Variants in LMBRD1 observed in about 807,000 individuals in gnomAD.
LMBRD1 encodes lysosomal cobalamin transport escort protein LMBD1.
LMBRD1 carries 64 observed loss-of-function variants against 74.8 expected under a neutral mutation model. That is an observed-to-expected ratio of 0.86 (90% CI 0.70 to 1.05). LMBRD1 has a LOEUF of 1.05. LMBRD1 is among the 50% of genes least tolerant of loss of function. The probability of loss-of-function intolerance (pLI) is 0.00; values close to 1 mark genes in which losing one functional copy is unlikely to be tolerated. For missense variants in LMBRD1, 652 were observed against 645.9 expected (o/e 1.01, Z -0.10); for synonymous variants, 204 against 216.3 (o/e 0.94, Z 0.50).
At chr6:69,694,869 C>G (rs1765959669) in intron 14 of LMBRD1, among the ~76,000 whole-genome samples, 4 of 152,088 alleles carry the variant, frequency 2.6e-5, no homozygotes, top group Admixed American at 2.6e-4. Context: ...TCAGTTAGAT[C>G]CTTTCCTAAT....
rs144573675 is a variant in LMBRD1, at chr6:69,786,728, C to T, written c.246+3568G>A. Among the ~76,000 whole-genome samples, 724 of 152,098 alleles carry T rather than the reference C, an allele frequency of 4.8e-3. 8 individuals are homozygous for T. The highest frequency in any genetic ancestry group is 0.017 in the Middle Eastern group (5 of 294). On this transcript the variant is annotated intron_variant, in intron 2 of 15. Coordinates refer to ENST00000649934, the MANE Select transcript of LMBRD1 (RefSeq NM_018368.4). ...AAACAACTCAGGCATTATAATATAC[C>T]CCTGCCATAAGAAGGCAGAGAAAGC...
intron 14 of LMBRD1, among the ~76,000 whole-genome samples, chr6:69,695,075 T>C (rs895643477): frequency 6.6e-6 from 1 of 152,120 alleles, no homozygotes; most frequent in Non-Finnish European, 1.5e-5. Context: ...TTCTTTGCAA[T>C]GTACAGAAGG....
chr6:69,741,804 C>T lies in LMBRD1; in HGVS notation c.547G>A (p.Glu183Lys). 1 of 1,593,638 alleles carries T rather than the reference C, an allele frequency of 6.3e-7. No homozygotes were observed. Among genetic ancestry groups the T allele is most frequent in the Non-Finnish European group, 8.6e-7 (1 of 1,161,646 alleles). The change falls in exon 6 of 16, where the codon GAA becomes AAA. Residue 183 changes from glutamate (E) to lysine (K), a missense_variant. Transcript: ENST00000649934. ...EWEKVKSLFE[E>K]LGSSHGLAAL... ...CAATACTTACGACTACTTCCAAGTTCTTCAAATAGGGACTTCACTTTTTCC... is the reference window on the plus strand; with the variant it reads ...CAATACTTACGACTACTTCCAAGTTTTTCAAATAGGGACTTCACTTTTTCC...
In LMBRD1 at chr6:69,725,216, C is replaced by CA. The variant is rs536536966; in HGVS notation, c.637-6136dup. On this transcript the variant is annotated intron_variant, in intron 7 of 15. Transcript: ENST00000649934. ...AAATACTGATGAATGAGGAAGACAC[C>CA]AAAAAAATGAAGAAATATTCCATGT... Among the ~76,000 whole-genome samples the CA allele has an allele frequency of 9.8e-4, 149 of 151,532 alleles. 2 individuals are homozygous for CA. The South Asian group carries it at 0.015, about 15-fold the overall frequency.
At chr6:69,749,119 G>GGT (rs1319279350) in intron 5 of LMBRD1, among the ~76,000 whole-genome samples, 5 of 151,866 alleles carry the variant, frequency 3.3e-5, no homozygotes, top group African/African-American at 1.2e-4. Flanking sequence ...CAAGAAGGGA[G>GGT]GTGAACTCTG....
chr6:69,712,870 TAACAAATC>T (rs1766413352), intron 9 of LMBRD1, among the ~76,000 whole-genome samples: 1 of 152,122 alleles, frequency 6.6e-6, no homozygotes, highest in African/African-American at 2.4e-5. Flanking sequence ...TTTTAAATGT[TAACAAATC>T]AACAACAGCA....
chr6:69,686,622 G>C lies in LMBRD1; in HGVS notation c.1418-10081C>G, dbSNP rs1765769702. Among the ~76,000 whole-genome samples, 4 of 126,506 alleles carry C rather than the reference G, an allele frequency of 3.2e-5. No homozygotes were observed. In the South Asian group the frequency reaches 9.7e-4, roughly 31 times the overall value. The allele number at this position is 126,506 out of a possible 152,430, so 83.0% of individuals were successfully genotyped here. The stretch of plus-strand genomic sequence containing the variant: ...TCACCCCTGACTCCCTTCTCTCTCT[G>C]TCTCTCTCAAACTCTCTATCAAGCA... On this transcript the variant is annotated intron_variant, in intron 14 of 15. Coordinates refer to ENST00000649934, the MANE Select transcript of LMBRD1 (RefSeq NM_018368.4).
intron 5 of LMBRD1, among the ~76,000 whole-genome samples, chr6:69,748,556 C>T (rs1765047029): frequency 6.6e-6 from 1 of 151,974 alleles, no homozygotes; most frequent in African/African-American, 2.4e-5. Context: ...ATTTTATTCC[C>T]ATTACAAGTT....
intron 2 of LMBRD1, among the ~76,000 whole-genome samples, chr6:69,787,792 GA>G (rs1765990297): frequency 1.3e-5 from 2 of 152,150 alleles, no homozygotes; most frequent in Non-Finnish European, 2.9e-5. Flanking sequence ...AAAGTAGAGG[GA>G]AAAGTTTTAA....
chr6:69,755,451 G>A (rs1765248124), intron 3 of LMBRD1, among the ~76,000 whole-genome samples: 1 of 151,962 alleles, frequency 6.6e-6, no homozygotes, highest in African/African-American at 2.4e-5. Context: ...TCAAGGCCGG[G>A]GGAGAGCATT....
At position 69,675,280 on chromosome 6, in the gene LMBRD1, TTTA is replaced by T. The variant is rs1317716314; in HGVS notation, c.*875_*877del. ...ATGTTAGTAAACTAGAATATAATTT[TTTA>T]TTATTTCTCACTATCCAGAATGTGT... On this transcript the variant is annotated 3_prime_UTR_variant, in exon 16 of 16. Transcript: ENST00000649934. Among the ~76,000 whole-genome samples, 2 of 152,204 alleles carry T rather than the reference TTTA, an allele frequency of 1.3e-5. No individual in the cohort carries two copies. Among genetic ancestry groups the T allele is most frequent in the Non-Finnish European group, 2.9e-5 (2 of 68,032 alleles).
intron 14 of LMBRD1, among the ~76,000 whole-genome samples, chr6:69,679,615 T>C (rs907108801): frequency 3.3e-5 from 5 of 152,084 alleles, no homozygotes; most frequent in Non-Finnish European, 7.4e-5. Flanking sequence ...ATTCCAAGGG[T>C]ATAAAAATGA....
At chr6:69,726,083 T>C (rs1241033108) in intron 7 of LMBRD1, among the ~76,000 whole-genome samples, 1 of 152,150 alleles carries the variant, frequency 6.6e-6, no homozygotes, top group Non-Finnish European at 1.5e-5. Flanking sequence ...AAGATTGGTA[T>C]AAACATTTCT....
At chr6:69,718,240 T>G (rs950133863) in intron 8 of LMBRD1, among the ~76,000 whole-genome samples, 1 of 152,132 alleles carries the variant, frequency 6.6e-6, no homozygotes, top group Admixed American at 6.5e-5. Flanking sequence ...CATGTAATCT[T>G]TAGCTTATTC....
At chr6:69,793,662 G>T (rs1404873061) in intron 1 of LMBRD1, among the ~76,000 whole-genome samples, 1 of 149,724 alleles carries the variant, frequency 6.7e-6, no homozygotes, top group Admixed American at 6.6e-5. Flanking sequence ...TGAAGAAACT[G>T]AAGTCCATTC....
intron 7 of LMBRD1, among the ~76,000 whole-genome samples, chr6:69,735,434 A>G (rs1454085150): frequency 9.6e-6 from 1 of 103,956 alleles, no homozygotes; most frequent in Non-Finnish European, 1.8e-5. Flanking sequence ...ACATTATAGG[A>G]AAACAACATA....
At chr6:69,687,293 C>A (rs1765783004) in intron 14 of LMBRD1, among the ~76,000 whole-genome samples, 1 of 152,120 alleles carries the variant, frequency 6.6e-6, no homozygotes. Flanking sequence ...AATTTCAAAC[C>A]ATTCCTCCTT....
intron 1 of LMBRD1, chr6:69,790,812 TAA>T: frequency 2.9e-6 from 1 of 348,540 alleles, no homozygotes; most frequent in Non-Finnish European, 5.5e-6. Flanking sequence ...TTTTCCAACC[TAA>T]AAGAGATATG....
chr6:69,703,455 CAAAA>C (rs530645065), intron 9 of LMBRD1, among the ~76,000 whole-genome samples: 1 of 122,676 alleles, frequency 8.2e-6, no homozygotes. Flanking sequence ...TCCATTTTGG[CAAAA>C]AAAAAAAAAA....
Sources: gnomAD v4.1 joint callset for allele counts (sites outside exome capture counted in the v4.1 genomes callset) on GRCh38, gnomAD v4.1.1 for gene constraint, MANE v1.5 for transcripts, NCBI Gene and HGNC (gene_info 2026-07-23, HGNC 2026-07-21) for gene names.